Variants in NT5C2 observed in about 807,000 individuals in gnomAD.
NT5C2 encodes the protein cytosolic purine 5'-nucleotidase.
Under a neutral mutation model 76.1 loss-of-function variants are expected in NT5C2, and 58 were observed. That is an observed-to-expected ratio of 0.76 (90% CI 0.62 to 0.95). The LOEUF (loss-of-function observed/expected upper bound fraction) is 0.95. NT5C2 is among the 40% of genes least tolerant of loss of function. The pLI is 0.00. For synonymous variants in NT5C2, 229 were observed against 237.4 expected, an observed-to-expected ratio of 0.96 and a Z score of 0.32; for missense variants, 478 against 690.3, an observed-to-expected ratio of 0.69 and a Z score of 3.45.
intron 3 of NT5C2, chr10:103,153,462 T>C: frequency 2.0e-6 from 2 of 985,436 alleles, no homozygotes; most frequent in Non-Finnish European, 2.4e-6. Context: ...CTAGGCAATA[T>C]CTCAGTGACC....
At chr10:103,104,276 T>C (rs1307045242) in intron 6 of NT5C2, among the ~76,000 whole-genome samples, 1 of 152,264 alleles carries the variant, frequency 6.6e-6, no homozygotes, top group East Asian at 1.9e-4. Context: ...GGAAACTTTA[T>C]TGGCTTATTT....
chr10:103,138,598 A>G (rs902438166), intron 4 of NT5C2, among the ~76,000 whole-genome samples: 2 of 152,232 alleles, frequency 1.3e-5, no homozygotes, highest in African/African-American at 4.8e-5. Context: ...ATGTCCCTGC[A>G]AAAGGCACAA....
intron 1 of NT5C2, among the ~76,000 whole-genome samples, chr10:103,187,471 G>T (rs1234744190): frequency 6.6e-6 from 1 of 150,408 alleles, no homozygotes; most frequent in Non-Finnish European, 1.5e-5. Flanking sequence ...AGAATTGCTT[G>T]AACCCGGGAG....
chr10:103,137,717 C>T (rs1041155453), intron 4 of NT5C2, among the ~76,000 whole-genome samples: 5 of 152,192 alleles, frequency 3.3e-5, no homozygotes, highest in Admixed American at 2.6e-4. Context: ...AGCATATATG[C>T]TCAACTTGAT....
rs189238402 is a variant in NT5C2, at chr10:103,091,730, A to G, written c.1160-115T>C. On this transcript the variant is annotated intron_variant, in intron 15 of 18. Transcript: ENST00000404739. ...GACTGGAAAGTAGAACCTGGGACTA[A>G]CATGCTGAGTGTACAGTTACCTCCT... 2,860 of 801,908 alleles carry G rather than the reference A, an allele frequency of 3.6e-3. 7 individuals carry two copies. The highest frequency in any genetic ancestry group is 5.6e-3 in the Admixed American group (290 of 51,346). The allele number at this position is 801,908 out of a possible 1,614,324, so 49.7% of individuals were successfully genotyped here. A position where few individuals can be genotyped will look rare whatever the true frequency, so the allele number is the denominator to read the frequency against.
At chr10:103,128,756 A>C (rs1159711218) in intron 4 of NT5C2, among the ~76,000 whole-genome samples, 53 of 37,754 alleles carry the variant, frequency 1.4e-3, no homozygotes, top group African/African-American at 4.9e-3. Flanking sequence ...TGCCCGGCCG[A>C]GACCCCGTCT....
At chr10:103,146,289 T>G in intron 3 of NT5C2, 1 of 985,450 alleles carries the variant, frequency 1.0e-6, no homozygotes, top group Non-Finnish European at 1.2e-6. Context: ...ATAGAATTTC[T>G]TTGGCAATGG....
At chr10:103,191,958 T>C (rs1486010394) in intron 1 of NT5C2, among the ~76,000 whole-genome samples, 1 of 143,782 alleles carries the variant, frequency 7.0e-6, no homozygotes, top group Non-Finnish European at 1.5e-5. Context: ...TTTTTTGTTC[T>C]TTTTTTTTTT....
At chr10:103,143,593 T>G (rs1250104548) in intron 3 of NT5C2, among the ~76,000 whole-genome samples, 3 of 136,792 alleles carry the variant, frequency 2.2e-5, no homozygotes, top group Admixed American at 7.5e-5. Context: ...CGCACCACCA[T>G]GTCCAGCTAT....
chr10:103,170,462 A>C (rs2087631464), intron 3 of NT5C2, among the ~76,000 whole-genome samples: 1 of 152,084 alleles, frequency 6.6e-6, no homozygotes, highest in Non-Finnish European at 1.5e-5. Context: ...ATACCATTCC[A>C]AATGAGTTAG....
At chr10:103,130,082 G>T (rs1221323055) in intron 4 of NT5C2, among the ~76,000 whole-genome samples, 2 of 151,836 alleles carry the variant, frequency 1.3e-5, no homozygotes, top group Non-Finnish European at 2.9e-5. Flanking sequence ...GAACGGGCCA[G>T]GATGACAATG....
intron 15 of NT5C2, among the ~76,000 whole-genome samples, chr10:103,092,702 A>G (rs1485954444): frequency 1.3e-5 from 2 of 152,248 alleles, no homozygotes; most frequent in East Asian, 3.8e-4. Context: ...CATTCTCTAG[A>G]TCTCAGAAGA....
chr10:103,092,941 T>C (rs912665381), intron 15 of NT5C2, among the ~76,000 whole-genome samples, 198 bp downstream of exon 15: 3 of 152,216 alleles, frequency 2.0e-5, no homozygotes, highest in African/African-American at 7.2e-5. Flanking sequence ...TTAAACAAGA[T>C]AACCTCTCAT....
At chr10:103,162,967 A>G (rs1222869918) in intron 3 of NT5C2, among the ~76,000 whole-genome samples, 2 of 152,126 alleles carry the variant, frequency 1.3e-5, no homozygotes, top group Non-Finnish European at 2.9e-5. Flanking sequence ...CTTCTCTACT[A>G]ACTCTTAGAA....
chr10:103,162,770 TA>T (rs1212704335), intron 3 of NT5C2, among the ~76,000 whole-genome samples: 3 of 152,240 alleles, frequency 2.0e-5, no homozygotes, highest in Non-Finnish European at 4.4e-5. Context: ...GCATTATTCT[TA>T]TTTTTTTCAA....
chr10:103,089,426 A>T lies in NT5C2; in HGVS notation c.*246T>A. On this transcript the variant is annotated 3_prime_UTR_variant, in exon 19 of 19. Transcript: ENST00000404739. Reference sequence around the variant, plus strand: ...CAGTGGAGCCATATACATGCAGTTCAGCCTGATTTTACCCTTATTTTCTTC... The same window carrying T: ...CAGTGGAGCCATATACATGCAGTTCTGCCTGATTTTACCCTTATTTTCTTC... 4.4e-6 allele frequency: 2 copies of T among 450,806 alleles called. No individual in the cohort carries two copies. Among genetic ancestry groups the T allele is most frequent in the South Asian group, 6.0e-5 (1 of 16,626 alleles). 27.9% of individuals were successfully genotyped at this position (450,806 alleles called of 1,614,324 possible).
Position 103,101,281 on chromosome 10 carries a change from A to G in NT5C2, c.435T>C (p.Asp145=). 4 of 1,609,782 alleles carry G rather than the reference A, an allele frequency of 2.5e-6. No homozygotes were observed. The highest frequency in any genetic ancestry group is 3.4e-6 in the Non-Finnish European group (4 of 1,176,682). The change falls in exon 7 of 19, where the codon GAT becomes GAC. Residue 145 remains aspartate, a synonymous_variant. Transcript: ENST00000404739. ...TCAGAATGTAAAATCTTTCAGTATC[A>G]TCTCGCTGGATAAATTTATTTGGAT... is the stretch of plus-strand genomic sequence containing the variant. ...EQYPNKFIQR[D]DTERFYILNT...
chr10:103,162,768 C>A (rs1293731940), intron 3 of NT5C2, among the ~76,000 whole-genome samples: 1 of 151,988 alleles, frequency 6.6e-6, no homozygotes, highest in Non-Finnish European at 1.5e-5. Context: ...CAGCATTATT[C>A]TTATTTTTTT....
intron 3 of NT5C2, among the ~76,000 whole-genome samples, chr10:103,163,925 T>C (rs1410625055): frequency 1.3e-5 from 2 of 148,516 alleles, no homozygotes; most frequent in Non-Finnish European, 3.0e-5. Flanking sequence ...CTCAGGAGCC[T>C]GAGGCACAAG....
Sources: gnomAD v4.1 joint callset for allele counts (sites outside exome capture counted in the v4.1 genomes callset) on GRCh38, gnomAD v4.1.1 for gene constraint, MANE v1.5 for transcripts, NCBI Gene and HGNC (gene_info 2026-07-23, HGNC 2026-07-21) for gene names.